Variants in XPO7 observed in about 807,000 individuals in gnomAD.
The protein encoded by XPO7 is exportin-7.
A neutral mutation model predicts 144.3 loss-of-function variants in XPO7; 21 were observed. The ratio of observed to expected loss-of-function variants is 0.15; its 90% CI spans 0.10 to 0.21. The LOEUF (loss-of-function observed/expected upper bound fraction) is 0.21. XPO7 is among the 10% of genes least tolerant of loss of function. The probability of loss-of-function intolerance (pLI) is 1.00; values close to 1 mark genes in which losing one functional copy is unlikely to be tolerated. For missense variants in XPO7, 808 were observed against 1,325.8 expected, an observed-to-expected ratio of 0.61 and a Z score of 6.06; for synonymous variants, 580 against 499.6, an observed-to-expected ratio of 1.16 and a Z score of -2.15.
intron 1 of XPO7, among the ~76,000 whole-genome samples, chr8:21,954,821 C>T (rs1182113652): frequency 6.6e-6 from 1 of 152,112 alleles, no homozygotes; most frequent in Admixed American, 6.5e-5. Flanking sequence ...AGTAGGTTAT[C>T]ACTTTCTGAA....
At position 21,945,211 on chromosome 8, in the gene XPO7, A is replaced by C. The variant is rs368932706; in HGVS notation, c.19-21646A>C. On this transcript the variant is annotated intron_variant, in intron 1 of 27. Transcript: ENST00000252512. ...GGCAGAGGCGCCCCCCACCTCCCAG[A>C]CGGGGTGGCGGCCGGGCGGGGGCTG... Among the ~76,000 whole-genome samples the C allele has an allele frequency of 3.1e-3, 479 of 152,286 alleles. 4 individuals carry two copies. The highest frequency in any genetic ancestry group is 0.023 in the East Asian group (120 of 5,186).
Position 22,004,991 on chromosome 8 carries a change from G to A in XPO7, c.3171-4G>A, listed in dbSNP as rs761828175. The stretch of plus-strand genomic sequence containing the variant: ...CCCCCAACCCACATGCATCCTCTCT[G>A]CAGGTTCACCCAGAACCTGTCAGCA... On this transcript the variant is annotated splice_region_variant and splice_polypyrimidine_tract_variant and intron_variant, in intron 27 of 27. Coordinates refer to ENST00000252512, the MANE Select transcript of XPO7 (RefSeq NM_015024.5). The A allele has an allele frequency of 6.4e-7, 1 of 1,570,540 alleles. No homozygotes were observed. The highest frequency in any genetic ancestry group is 2.3e-5 in the East Asian group (1 of 43,592).
intron 5 of XPO7, among the ~76,000 whole-genome samples, chr8:21,972,151 G>A (rs144368017): frequency 9.3e-5 from 14 of 151,190 alleles, no homozygotes; most frequent in African/African-American, 3.4e-4. Context: ...CTGTCTCCAG[G>A]TTGTTTTCCC....
Position 21,990,416 on chromosome 8 carries a change from T to C in XPO7, c.1932+9T>C, listed in dbSNP as rs759433687. On this transcript the variant is annotated intron_variant, in intron 17 of 27. Transcript: ENST00000252512. ...TGCTGAACAATCACACGGTGAGTGA[T>C]TTTAGCTTTTTTTCCTGGCCCTCCT... The C allele has an allele frequency of 6.2e-6, 10 of 1,613,200 alleles. No individual in the cohort carries two copies. Among genetic ancestry groups the C allele is most frequent in the African/African-American group, 1.3e-5 (1 of 75,028 alleles).
At chr8:21,980,687 A>T (rs1812376928) in intron 9 of XPO7, among the ~76,000 whole-genome samples, 1 of 151,840 alleles carries the variant, frequency 6.6e-6, no homozygotes, top group African/African-American at 2.4e-5. Context: ...AGGCAGGAGA[A>T]TCGCTTGAAC....
intron 1 of XPO7, among the ~76,000 whole-genome samples, chr8:21,923,964 C>T (rs1364836079): frequency 1.3e-5 from 2 of 152,160 alleles, no homozygotes; most frequent in Non-Finnish European, 2.9e-5. Context: ...CATTATCTCA[C>T]ATTTTCTCAG....
intron 1 of XPO7, among the ~76,000 whole-genome samples, chr8:21,934,662 A>G (rs886535175): frequency 6.6e-6 from 1 of 152,240 alleles, no homozygotes; most frequent in African/African-American, 2.4e-5. Context: ...CTGAGGAGAC[A>G]AAGACGTGGA....
chr8:21,986,649 T>A (rs1276313498), intron 13 of XPO7, among the ~76,000 whole-genome samples: 5 of 152,232 alleles, frequency 3.3e-5, no homozygotes, highest in Non-Finnish European at 4.4e-5. Flanking sequence ...GCAGCCGAGT[T>A]CAATACTGTG....
intron 15 of XPO7, 52 bp downstream of exon 15, chr8:21,987,909 C>G: frequency 6.4e-7 from 1 of 1,573,438 alleles, no homozygotes; most frequent in East Asian, 2.2e-5. Flanking sequence ...CCTGTTGCAA[C>G]TGTAAAATGT....
At chr8:21,989,821 CTTTTTTTTTTTTT>C (rs1170364778) in intron 16 of XPO7, among the ~76,000 whole-genome samples, 2 of 59,672 alleles carry the variant, frequency 3.4e-5, no homozygotes, top group African/African-American at 9.7e-5. Flanking sequence ...TAGGTGTTTC[CTTTTTTTTTTTTT>C]TTTTTTTTTT....
intron 23 of XPO7, 55 bp downstream of exon 23, chr8:21,999,360 T>G (rs1813061862): frequency 1.9e-6 from 3 of 1,603,048 alleles, no homozygotes; most frequent in Non-Finnish European, 2.6e-6. Context: ...TCAGCCTTTT[T>G]CACCTGAGAC....
At chr8:21,988,214 C>A in intron 15 of XPO7, 1 of 208,208 alleles carries the variant, frequency 4.8e-6, no homozygotes, top group Non-Finnish European at 9.8e-6. Flanking sequence ...TAGGCATTCA[C>A]TTTCTGTTGC....
At chr8:21,990,643 A>G (rs1310615818) in intron 17 of XPO7, 168 bp from the exon 18 acceptor site, 3 of 720,992 alleles carry the variant, frequency 4.2e-6, no homozygotes, top group Non-Finnish European at 6.8e-6. Context: ...ATAAATTAGT[A>G]GTAGTGACAA....
intron 1 of XPO7, among the ~76,000 whole-genome samples, chr8:21,952,227 T>G (rs1212450420): frequency 6.6e-6 from 1 of 152,200 alleles, no homozygotes. Flanking sequence ...CTGACTTTTT[T>G]GTTACACAGT....
In XPO7 at chr8:21,999,070, AT is replaced by A. The variant is rs779756567; in HGVS notation, c.2429-20del. 10 of 1,613,612 alleles carry A rather than the reference AT, an allele frequency of 6.2e-6. No individual in the cohort carries two copies. In the African/African-American group the frequency reaches 1.3e-4, roughly 22 times the overall value. On this transcript the variant is annotated intron_variant, in intron 22 of 27. Transcript: ENST00000252512. ...GCGCTTCTAATGTGGTTGAATAAAC[AT>A]ATATGACATGTCTACTCAGGCAATC...
At chr8:21,982,571 T>C in intron 10 of XPO7, 69 bp from the exon 11 acceptor site, 1 of 1,483,794 alleles carries the variant, frequency 6.7e-7, no homozygotes, top group Non-Finnish European at 9.0e-7. Context: ...TTATCTTCTG[T>C]GTCAGTGGCA....
chr8:21,947,829 G>A (rs990563645), intron 1 of XPO7, among the ~76,000 whole-genome samples: 1 of 152,196 alleles, frequency 6.6e-6, no homozygotes, highest in Non-Finnish European at 1.5e-5. Flanking sequence ...GGCCTTTACA[G>A]ATTACAAGTC....
chr8:21,972,019 T>C lies in XPO7; in HGVS notation c.492+78T>C, dbSNP rs1309364778. ...TTGGTGTTTTCTGCTGTGTGTGGGA[T>C]GATCTTTTTTGGCAGTTGTGTGCTT... On this transcript the variant is annotated intron_variant, in intron 5 of 27. Coordinates refer to ENST00000252512, the MANE Select transcript of XPO7 (RefSeq NM_015024.5). 2.1e-6 allele frequency: 3 copies of C among 1,397,720 alleles called. No individual in the cohort carries two copies. In the African/African-American group the frequency reaches 4.3e-5, roughly 20 times the overall value. 86.6% of individuals were successfully genotyped at this position (1,397,720 alleles called of 1,614,324 possible).
At chr8:21,969,075 A>G (rs1477364302) in intron 2 of XPO7, among the ~76,000 whole-genome samples, 1 of 152,200 alleles carries the variant, frequency 6.6e-6, no homozygotes, top group East Asian at 1.9e-4. Flanking sequence ...CCCCAATATC[A>G]TGCCATAGAA....
Sources: gnomAD v4.1 joint callset for allele counts (sites outside exome capture counted in the v4.1 genomes callset) on GRCh38, gnomAD v4.1.1 for gene constraint, MANE v1.5 for transcripts, NCBI Gene and HGNC (gene_info 2026-07-23, HGNC 2026-07-21) for gene names.